The following ZNF385D variants were observed in gnomAD, a reference collection of about 807,000 sequenced individuals.
ZNF385D encodes the protein zinc finger protein 659.
A neutral mutation model predicts 35.8 loss-of-function variants in ZNF385D; 15 were observed. That is an observed-to-expected ratio of 0.42 (90% confidence interval 0.28 to 0.64). ZNF385D has a LOEUF of 0.64. ZNF385D is among the 30% of genes least tolerant of loss of function. ZNF385D has a pLI of 0.23. For synonymous variants in ZNF385D, 212 were observed against 186.8 expected (o/e 1.13, Z -1.10); for missense variants, 474 against 494.6 (o/e 0.96, Z 0.39).
At chr3:21,825,468 T>C (rs974748351) in intron 3 of ZNF385D, among the ~76,000 whole-genome samples, 2 of 151,596 alleles carry the variant, frequency 1.3e-5, no homozygotes, top group South Asian at 2.1e-4. Context: ...AAATATTTTA[T>C]GTTGTTTGCA....
At chr3:21,886,961 G>A (rs3912210) in intron 3 of ZNF385D, among the ~76,000 whole-genome samples, 32 of 152,118 alleles carry the variant, frequency 2.1e-4, no homozygotes, top group African/African-American at 7.0e-4. Flanking sequence ...TCCATTCAAC[G>A]CCACACGTTT....
chr3:22,042,417 T>C (rs899308723), intron 3 of ZNF385D, among the ~76,000 whole-genome samples: 4 of 151,984 alleles, frequency 2.6e-5, no homozygotes, highest in African/African-American at 9.7e-5. Context: ...TTTCTATACT[T>C]AGTTGTGATA....
chr3:21,896,672 T>C (rs1182071764), intron 3 of ZNF385D, among the ~76,000 whole-genome samples: 6 of 152,178 alleles, frequency 3.9e-5, no homozygotes, highest in Non-Finnish European at 8.8e-5. Flanking sequence ...ATTATTTTTC[T>C]GATGCAATGA....
At chr3:21,633,279 T>C (rs2065333951) in intron 2 of ZNF385D, among the ~76,000 whole-genome samples, 2 of 152,182 alleles carry the variant, frequency 1.3e-5, no homozygotes, top group Non-Finnish European at 2.9e-5. Context: ...CAGCTGGCTA[T>C]AGCACTTGGA....
chr3:21,973,750 GC>G (rs1396228330), intron 3 of ZNF385D, among the ~76,000 whole-genome samples: 3 of 151,814 alleles, frequency 2.0e-5, no homozygotes, highest in Admixed American at 6.6e-5. Flanking sequence ...ATATCAACAT[GC>G]AAAAATCAGT....
intron 3 of ZNF385D, among the ~76,000 whole-genome samples, chr3:21,544,228 T>A (rs1219057140): frequency 1.3e-5 from 2 of 152,240 alleles, no homozygotes; most frequent in Non-Finnish European, 2.9e-5. Flanking sequence ...TGAGAACTAT[T>A]TGCTTTGCCA....
At position 21,465,233 on chromosome 3, in the gene ZNF385D, T is replaced by C. The variant is rs915216121; in HGVS notation, c.440-28030A>G. Among the ~76,000 whole-genome samples, 1 of 152,194 alleles carries C rather than the reference T, an allele frequency of 6.6e-6. No individual in the cohort carries two copies. On this transcript the variant is annotated intron_variant, in intron 4 of 7. Coordinates refer to ENST00000281523, the MANE Select transcript of ZNF385D (RefSeq NM_024697.3). This position sits in a 1 kb window ranked among gnomAD's most constrained non-coding sequence, Gnocchi z 4.2. ...ATTTTCACATAGGGAACTACACTTA[T>C]CTCCAGAGTCTTCCCAATTTCTTTT... is the stretch of plus-strand genomic sequence containing the variant.
At chr3:21,907,221 T>C (rs1476159495) in intron 3 of ZNF385D, among the ~76,000 whole-genome samples, 1 of 152,150 alleles carries the variant, frequency 6.6e-6, no homozygotes, top group Non-Finnish European at 1.5e-5. Context: ...TTATTAAAAA[T>C]TTAAAAAACA....
chr3:22,088,490 C>A (rs191109693), intron 3 of ZNF385D, among the ~76,000 whole-genome samples: 1 of 152,250 alleles, frequency 6.6e-6, no homozygotes, highest in East Asian at 1.9e-4. Context: ...ATGGATGAAT[C>A]TGAGGCCAGA....
chr3:22,082,243 C>G (rs1700789691), intron 3 of ZNF385D, among the ~76,000 whole-genome samples: 2 of 152,060 alleles, frequency 1.3e-5, no homozygotes, highest in Non-Finnish European at 2.9e-5. Flanking sequence ...TGAAGCAGGG[C>G]AGGGCATCGC....
intron 3 of ZNF385D, among the ~76,000 whole-genome samples, chr3:21,761,860 A>G (rs1289050252): frequency 2.5e-5 from 3 of 120,650 alleles, no homozygotes; most frequent in Non-Finnish European, 3.4e-5. Flanking sequence ...TTTCAAGAGC[A>G]TTTTCTTCCT....
At chr3:21,684,523 A>C (rs1217740021) in intron 1 of ZNF385D, among the ~76,000 whole-genome samples, 4 of 151,080 alleles carry the variant, frequency 2.6e-5, no homozygotes, top group African/African-American at 9.8e-5. Context: ...CCTTTAAAAA[A>C]TCTTTAATAA....
At chr3:21,812,711 G>C (rs150672445) in intron 3 of ZNF385D, among the ~76,000 whole-genome samples, 1 of 152,186 alleles carries the variant, frequency 6.6e-6, no homozygotes, top group Non-Finnish European at 1.5e-5. Context: ...CTCGAACTGC[G>C]TGGAGCCCAC....
intron 3 of ZNF385D, among the ~76,000 whole-genome samples, chr3:21,816,164 T>C (rs894363361): frequency 2.6e-5 from 4 of 152,186 alleles, no homozygotes; most frequent in Admixed American, 6.5e-5. Context: ...AAACTAGGTA[T>C]TGATGGGACG....
chr3:21,987,289 T>G (rs1471663611), intron 3 of ZNF385D, among the ~76,000 whole-genome samples: 1 of 138,968 alleles, frequency 7.2e-6, no homozygotes, highest in Admixed American at 6.8e-5. Flanking sequence ...TTTGGCATGA[T>G]TTTGCAGTGG....
chr3:22,216,503 G>C (rs116682768), intron 2 of ZNF385D, among the ~76,000 whole-genome samples: 1 of 152,056 alleles, frequency 6.6e-6, no homozygotes, highest in African/African-American at 2.4e-5. Flanking sequence ...GAGTGAGGAG[G>C]TAGAGGTTTC....
intron 3 of ZNF385D, among the ~76,000 whole-genome samples, chr3:22,163,907 GCTTA>G (rs572923734): frequency 1.3e-5 from 2 of 152,240 alleles, no homozygotes; most frequent in South Asian, 4.1e-4. Flanking sequence ...AGGATGATGT[GCTTA>G]CTAAGAATTT....
Position 21,419,692 on chromosome 3 carries a change from T to G in ZNF385D, c.*1522A>C, listed in dbSNP as rs1422773267. ...TTGATAGGTATATGTCAGCTTTCTA[T>G]GGGAAAAAGCAAATAGCCTTTATCA... On this transcript the variant is annotated 3_prime_UTR_variant, in exon 8 of 8. Coordinates refer to ENST00000281523, the MANE Select transcript of ZNF385D (RefSeq NM_024697.3). 1 of 152,124 alleles carries G rather than the reference T, an allele frequency of 6.6e-6. No individual in the cohort carries two copies. The highest frequency in any genetic ancestry group is 2.4e-5 in the African/African-American group (1 of 41,440). The allele number at this position is 152,124 out of a possible 1,614,324, so 9.4% of individuals were successfully genotyped here.
rs186402677 is a variant in ZNF385D, at chr3:21,540,592, T to G, written c.276+23982A>C. Among the ~76,000 whole-genome samples the G allele has an allele frequency of 3.6e-3, 541 of 152,284 alleles. 1 individual carries two copies. Among genetic ancestry groups the G allele is most frequent in the African/African-American group, 0.012 (489 of 41,572 alleles). On this transcript the variant is annotated intron_variant, in intron 3 of 7. Coordinates refer to ENST00000281523, the MANE Select transcript of ZNF385D (RefSeq NM_024697.3). ...TGTTCAGAGACTACCTTCTGAAAAC[T>G]TATTTATAAAGGAATCTAAGAGAAG...
Sources: allele counts gnomAD v4.1 joint callset (sites outside exome capture counted in the v4.1 genomes callset), GRCh38; gene constraint gnomAD v4.1.1; non-coding constraint Gnocchi (gnomAD v3.1); transcripts MANE v1.5; gene names NCBI Gene and HGNC (gene_info 2026-07-23, HGNC 2026-07-21).